The following SLC30A3 variants were observed in gnomAD, a reference collection of about 807,000 sequenced individuals.
SLC30A3 encodes the protein solute carrier family 30 member 3, also known as probable proton-coupled zinc antiporter SLC30A3.
Under a neutral mutation model 35.6 loss-of-function variants are expected in SLC30A3, and 20 were observed. That is an observed-to-expected ratio of 0.56 (90% CI 0.39 to 0.82). The LOEUF is 0.82. Ranked by LOEUF, SLC30A3 falls within the 40% of genes least tolerant of loss-of-function variation. SLC30A3 has a pLI of 0.00. For synonymous variants in SLC30A3, 217 were observed against 224.7 expected (o/e 0.97, Z 0.31); for missense variants, 401 against 530.6 (o/e 0.76, Z 2.40).
chr2:27,264,051 C>T (rs1353611599), upstream of SLC30A3: 1 of 1,288,778 alleles, frequency 7.8e-7, no homozygotes, highest in Non-Finnish European at 1.0e-6. This position sits in a 1 kb window ranked among gnomAD's most constrained non-coding sequence, Gnocchi z 6.1. Flanking sequence ...GCTTCAAATG[C>T]TCAATGTTCT....
chr2:27,261,616 G>A (rs535129939), intron 1 of SLC30A3, among the ~76,000 whole-genome samples: 2 of 152,282 alleles, frequency 1.3e-5, no homozygotes, highest in Admixed American at 1.3e-4. Context: ...GTGTGTGGGG[G>A]TGTGGGCATG....
At chr2:27,275,201 C>T (rs757798420) in exon 1 of SLC30A3, 10 of 1,304,092 alleles carry the variant, frequency 7.7e-6, no homozygotes, top group African/African-American at 6.1e-5. Flanking sequence ...GGTCAGCAAA[C>T]CCATTGTGTT....
In SLC30A3 at chr2:27,274,953, C is replaced by G. The variant is rs148754397; in HGVS notation, c.-159+224G>C. ...ACATCATTTTAATGAGACGTGCAAA[C>G]TCATCATTACGATATACTAGGAGAA... On this transcript the variant is annotated intron_variant, in intron 1 of 5. Transcript: ENST00000424577. Among the ~76,000 whole-genome samples, 462 of 152,280 alleles carry G rather than the reference C, an allele frequency of 3.0e-3. 1 individual carries two copies. Among genetic ancestry groups the G allele is most frequent in the African/African-American group, 0.01 (435 of 41,558 alleles).
At position 27,262,687 on chromosome 2, in the gene SLC30A3, G is replaced by A; in HGVS notation, c.95+125C>T. ...GCCAGAGGGGATGAAGCGGGGTGCA[G>A]CGGAGCGAGGGACCCGCGGTGCGCT... On this transcript the variant is annotated intron_variant, in intron 1 of 7. Coordinates refer to ENST00000233535, the MANE Select transcript of SLC30A3 (RefSeq NM_003459.5). This position sits in a 1 kb window ranked among gnomAD's most constrained non-coding sequence, Gnocchi z 7.5. 1.1e-6 allele frequency: 1 copy of A among 931,008 alleles called. No homozygotes were observed. The highest frequency in any genetic ancestry group is 1.5e-6 in the Non-Finnish European group (1 of 656,190). 57.7% of individuals were successfully genotyped at this position (931,008 alleles called of 1,614,324 possible). A position where few individuals can be genotyped will look rare whatever the true frequency, so the allele number is the denominator to read the frequency against.
At chr2:27,261,679 GC>G (rs1448397805) in intron 1 of SLC30A3, among the ~76,000 whole-genome samples, 1 of 152,066 alleles carries the variant, frequency 6.6e-6, no homozygotes, top group Non-Finnish European at 1.5e-5. Context: ...CCTCTCCCTG[GC>G]CCTCCGAAAC....
intron 1 of SLC30A3, among the ~76,000 whole-genome samples, chr2:27,270,149 A>G (rs1434699599): frequency 6.6e-6 from 1 of 152,228 alleles, no homozygotes; most frequent in African/African-American, 2.4e-5. Context: ...ATTAATAACA[A>G]TTAAGAGGGT....
rs1286660040 is a variant in SLC30A3, at chr2:27,262,954, CG to C, written c.-49del. Reference sequence around the variant, plus strand: ...AGGCCCCACCGAGGAAGAGAGAGGCCGGGCCGGCCCCGCGCCAAGTCCGAGC... The same window carrying C: ...AGGCCCCACCGAGGAAGAGAGAGGCCGGCCGGCCCCGCGCCAAGTCCGAGC... On this transcript the variant is annotated 5_prime_UTR_variant, in exon 1 of 8. Transcript: ENST00000233535. The surrounding 1 kb of genome is among the most constrained non-coding windows in gnomAD (Gnocchi z 7.5). The C allele has an allele frequency of 6.8e-7, 1 of 1,467,754 alleles. No homozygotes were observed. The highest frequency in any genetic ancestry group is 1.5e-5 in the African/African-American group (1 of 66,428). 90.9% of individuals were successfully genotyped at this position (1,467,754 alleles called of 1,614,324 possible). A position where few individuals can be genotyped will look rare whatever the true frequency, so the allele number is the denominator to read the frequency against.
chr2:27,260,232 C>A (rs972461817), intron 1 of SLC30A3, among the ~76,000 whole-genome samples: 1 of 152,108 alleles, frequency 6.6e-6, no homozygotes, highest in South Asian at 2.1e-4. Context: ...AGTCTGATTC[C>A]GGGCACAGAG....
chr2:27,261,411 CAT>C (rs1349949810), intron 1 of SLC30A3, among the ~76,000 whole-genome samples: 1 of 152,096 alleles, frequency 6.6e-6, no homozygotes, highest in African/African-American at 2.4e-5. Context: ...GACTAATGGT[CAT>C]ATGAGTGAAG....
chr2:27,258,123 C>G lies in SLC30A3; in HGVS notation c.424+38G>C. 1 of 1,605,388 alleles carries G rather than the reference C, an allele frequency of 6.2e-7. No individual in the cohort carries two copies. The highest frequency in any genetic ancestry group is 8.5e-7 in the Non-Finnish European group (1 of 1,173,450). ...TGGGACCCTGACGGGTGCCCTCTGG[C>G]AAGATTGGAGAGTCACTGGGCCATG... On this transcript the variant is annotated intron_variant, in intron 3 of 7. Transcript: ENST00000233535. This position sits in a 1 kb window ranked among gnomAD's most constrained non-coding sequence, Gnocchi z 4.0.
chr2:27,270,338 G>A (rs1205125597), intron 1 of SLC30A3, among the ~76,000 whole-genome samples: 13 of 152,064 alleles, frequency 8.5e-5, no homozygotes, highest in African/African-American at 2.2e-4. Flanking sequence ...GACTGGGGGC[G>A]GTGTTTTGGA....
upstream of SLC30A3, chr2:27,275,499 T>G: frequency 3.0e-6 from 1 of 328,264 alleles, no homozygotes; most frequent in African/African-American, 2.2e-5. Context: ...CGGTGTGAAG[T>G]TTCACACCCA....
chr2:27,261,214 A>C (rs2148131386), intron 1 of SLC30A3, among the ~76,000 whole-genome samples: 1 of 152,290 alleles, frequency 6.6e-6, no homozygotes, highest in African/African-American at 2.4e-5. Context: ...ATGGGCTCAA[A>C]GGAACATAAA....
Position 27,257,084 on chromosome 2 carries a change from G to T in SLC30A3, c.777+70C>A. 2 of 1,484,436 alleles carry T rather than the reference G, an allele frequency of 1.3e-6. No homozygotes were observed. The highest frequency in any genetic ancestry group is 1.9e-6 in the Non-Finnish European group (2 of 1,064,368). The allele number at this position is 1,484,436 out of a possible 1,614,324, so 92.0% of individuals were successfully genotyped here. A position where few individuals can be genotyped will look rare whatever the true frequency, so the allele number is the denominator to read the frequency against. ...GGAGGGAGGAGGAAGGAAGCTTTGG[G>T]ACCTGGGAAGGAGTGGGCTGGGATG... is the stretch of plus-strand genomic sequence containing the variant. On this transcript the variant is annotated intron_variant, in intron 5 of 7. Transcript: ENST00000233535. This position sits in a 1 kb window ranked among gnomAD's most constrained non-coding sequence, Gnocchi z 4.7.
chr2:27,264,400 G>C (rs1677388122), upstream of SLC30A3, among the ~76,000 whole-genome samples: 1 of 152,258 alleles, frequency 6.6e-6, no homozygotes, highest in Admixed American at 6.5e-5. The surrounding 1 kb of genome is among the most constrained non-coding windows in gnomAD (Gnocchi z 6.1). Context: ...GGTTGGAAGT[G>C]ATGGGGTTAA....
At position 27,272,149 on chromosome 2, in the gene SLC30A3, C is replaced by T. The variant is rs184170022; in HGVS notation, c.-159+3028G>A. 7.2e-5 allele frequency among the ~76,000 whole-genome samples: 11 copies of T among 152,274 alleles called. No homozygotes were observed. The East Asian group carries it at 2.1e-3, about 29-fold the overall frequency. ...CTGAACACAGGAAGTGTGTTAGGAA[C>T]TGGAGGGAATACTAAGGCAAATAAG... On this transcript the variant is annotated intron_variant, in intron 1 of 5. Transcript: ENST00000424577.
rs1003753660 is a variant in SLC30A3, at chr2:27,262,547, G to A, written c.95+265C>T. Reference sequence around the variant, plus strand: ...AGGCAGGCGCCGCGGGGGTGGCGGAGGGGTCCGGCGGCCTGGGACGCCGGC... The same window carrying A: ...AGGCAGGCGCCGCGGGGGTGGCGGAAGGGTCCGGCGGCCTGGGACGCCGGC... On this transcript the variant is annotated intron_variant, in intron 1 of 7. Coordinates refer to ENST00000233535, the MANE Select transcript of SLC30A3 (RefSeq NM_003459.5). The surrounding 1 kb of genome is among the most constrained non-coding windows in gnomAD (Gnocchi z 7.5). 1.3e-5 allele frequency among the ~76,000 whole-genome samples: 2 copies of A among 152,088 alleles called. No homozygotes were observed. Among genetic ancestry groups the A allele is most frequent in the South Asian group, 4.1e-4 (2 of 4,830 alleles).
chr2:27,268,072 T>TGTCTGCC (rs1162602482), intron 1 of SLC30A3, among the ~76,000 whole-genome samples: 6 of 152,228 alleles, frequency 3.9e-5, no homozygotes, highest in African/African-American at 1.4e-4. Context: ...TTTTGTTTAC[T>TGTCTGCC]GTCTGCCCCT....
chr2:27,258,998 C>A lies in SLC30A3; in HGVS notation c.96-64G>T. The A allele has an allele frequency of 7.4e-7, 1 of 1,354,392 alleles. No individual in the cohort carries two copies. Among genetic ancestry groups the A allele is most frequent in the Non-Finnish European group, 1.0e-6 (1 of 993,958 alleles). 83.9% of individuals were successfully genotyped at this position (1,354,392 alleles called of 1,614,324 possible). ...CAGGCTGGCCTGCTCACTCCACGTCCTTAGTCCCCAGTGCTGGCCTCATCA... is the reference window on the plus strand; with the variant it reads ...CAGGCTGGCCTGCTCACTCCACGTCATTAGTCCCCAGTGCTGGCCTCATCA... On this transcript the variant is annotated intron_variant, in intron 1 of 7. Coordinates refer to ENST00000233535, the MANE Select transcript of SLC30A3 (RefSeq NM_003459.5). The surrounding 1 kb of genome is among the most constrained non-coding windows in gnomAD (Gnocchi z 4.0).
Sources: allele counts gnomAD v4.1 joint callset (sites outside exome capture counted in the v4.1 genomes callset), GRCh38; gene constraint gnomAD v4.1.1; non-coding constraint Gnocchi (gnomAD v3.1); transcripts MANE v1.5; gene names NCBI Gene and HGNC (gene_info 2026-07-23, HGNC 2026-07-21).